PRR5: variants seen among roughly 807,000 people sequenced by gnomAD.
PRR5 encodes the protein proline-rich protein 5.
In PRR5, 25 loss-of-function variants were observed where a neutral mutation model predicts 30.6. That is an observed-to-expected ratio of 0.82 (90% confidence interval 0.60 to 1.14). The LOEUF is 1.14. PRR5 is among the 50% of genes most tolerant of loss of function. The probability of loss-of-function intolerance (pLI) is 0.00; values close to 1 mark genes in which losing one functional copy is unlikely to be tolerated. For missense variants in PRR5, 600 were observed against 547.1 expected (o/e 1.10, Z -0.96); for synonymous variants, 286 against 247.1 (o/e 1.16, Z -1.48).
intron 1 of PRR5, among the ~76,000 whole-genome samples, chr22:44,686,971 C>T (rs1438494704): frequency 6.6e-6 from 1 of 152,174 alleles, no homozygotes; most frequent in Admixed American, 6.6e-5. Context: ...TTTAATTTTA[C>T]AGTCTCCTCC....
intron 7 of PRR5, among the ~76,000 whole-genome samples, chr22:44,736,466 CTG>C (rs1923274412): frequency 6.6e-6 from 1 of 151,596 alleles, no homozygotes; most frequent in African/African-American, 2.4e-5. Context: ...AGTGGGGAAA[CTG>C]AGGCACGGGG....
At chr22:44,729,798 G>T in intron 4 of PRR5, 1 of 985,488 alleles carries the variant, frequency 1.0e-6, no homozygotes. Flanking sequence ...CAGCATTTCC[G>T]CCCCGTGGGC....
rs1926416449 is a variant in PRR5, at chr22:44,702,211, G to A, written c.-264G>A. On this transcript the variant is annotated 5_prime_UTR_variant, in exon 1 of 8. Coordinates refer to ENST00000336985, the MANE Select transcript of PRR5 (RefSeq NM_181333.4). ...GCCCCCGGGTCCGCCCCCGGCCTCCGTTTGCGCCGGGTCTGTGCTGGCCGC... is the reference window on the plus strand; with the variant it reads ...GCCCCCGGGTCCGCCCCCGGCCTCCATTTGCGCCGGGTCTGTGCTGGCCGC... 5.9e-6 allele frequency: 6 copies of A among 1,024,352 alleles called. No individual in the cohort carries two copies. Among genetic ancestry groups the A allele is most frequent in the Middle Eastern group, 4.2e-4 (1 of 2,356 alleles). The allele number at this position is 1,024,352 out of a possible 1,614,324, so 63.5% of individuals were successfully genotyped here.
At chr22:44,703,165 CA>C (rs1926629526) in intron 1 of PRR5, among the ~76,000 whole-genome samples, 2 of 152,162 alleles carry the variant, frequency 1.3e-5, no homozygotes, top group Non-Finnish European at 2.9e-5. Flanking sequence ...CCCAGACAAG[CA>C]GGGGCCTGGG....
upstream of PRR5, among the ~76,000 whole-genome samples, chr22:44,697,805 G>A (rs1308541763): frequency 6.6e-6 from 1 of 152,206 alleles, no homozygotes; most frequent in Non-Finnish European, 1.5e-5. Context: ...GCCTCTGTTT[G>A]TCTGTCTGTA....
intron 7 of PRR5, among the ~76,000 whole-genome samples, chr22:44,736,363 T>G (rs1035543149): frequency 6.6e-6 from 1 of 152,032 alleles, no homozygotes; most frequent in African/African-American, 2.4e-5. Flanking sequence ...CCTCCCACCA[T>G]CCCCTTGGAC....
rs557928629 is a variant in PRR5 at position 44,708,132 on chromosome 22, G to A, written c.134+5524G>A. On this transcript the variant is annotated intron_variant, in intron 1 of 7. Transcript: ENST00000336985. ...GGAGAATCACTTGAATCCGGGAGAC[G>A]GAGGTTGCAGTGAGCCGAGAACACG... 1.7e-3 allele frequency among the ~76,000 whole-genome samples: 265 copies of A among 152,098 alleles called. 2 individuals carry two copies. Among genetic ancestry groups the A allele is most frequent in the African/African-American group, 6.0e-3 (248 of 41,470 alleles).
chr22:44,677,902 A>G (rs938635159), intron 1 of PRR5, among the ~76,000 whole-genome samples: 8 of 152,218 alleles, frequency 5.3e-5, no homozygotes, highest in African/African-American at 1.9e-4. Flanking sequence ...GTGGGCACGG[A>G]TCATCCTTTG....
Position 44,702,584 on chromosome 22 carries a change from C to A in PRR5, c.110C>A (p.Ala37Asp). ...GAGCGGGGCACGCAGCAGCGCCGGG[C>A]CTGCGCCAACGCCACCTGGAACAGG... Reference protein sequence around the residue: ...ADERGTQQRRACANATWNSIH... With the variant: ...ADERGTQQRRDCANATWNSIH... The change falls in exon 1 of 8, where the codon GCC becomes GAC. Residue 37 changes from alanine to aspartate, a missense_variant. Transcript: ENST00000336985. 1 of 1,385,300 alleles carries A rather than the reference C, an allele frequency of 7.2e-7. No individual in the cohort carries two copies. The allele number at this position is 1,385,300 out of a possible 1,614,324, so 85.8% of individuals were successfully genotyped here. A position where few individuals can be genotyped will look rare whatever the true frequency, so the allele number is the denominator to read the frequency against.
chr22:44,683,626 C>T (rs1479242292), intron 1 of PRR5, among the ~76,000 whole-genome samples: 1 of 152,218 alleles, frequency 6.6e-6, no homozygotes, highest in African/African-American at 2.4e-5. Context: ...TCCCAGGCCA[C>T]CCTGCCTTAG....
At chr22:44,712,081 A>AGG (rs149355419) in intron 1 of PRR5, among the ~76,000 whole-genome samples, 2,657 of 152,160 alleles carry the variant, frequency 0.017, 88 homozygotes, top group African/African-American at 0.061. Flanking sequence ...CCCAGCCATG[A>AGG]GGGGATGACC....
intron 7 of PRR5, among the ~76,000 whole-genome samples, chr22:44,735,700 C>T (rs551109572): frequency 2.0e-5 from 3 of 152,308 alleles, no homozygotes; most frequent in African/African-American, 4.8e-5. Context: ...CTTCCCCTCC[C>T]GCGGGGGAGG....
intron 1 of PRR5, among the ~76,000 whole-genome samples, chr22:44,684,501 C>T (rs535720281): frequency 1.3e-5 from 2 of 152,288 alleles, no homozygotes; most frequent in African/African-American, 4.8e-5. Context: ...GAGCCGAGAT[C>T]GCGCCATTGT....
chr22:44,688,932 G>A (rs572569380), intron 1 of PRR5, among the ~76,000 whole-genome samples: 3 of 152,094 alleles, frequency 2.0e-5, no homozygotes, highest in Admixed American at 6.6e-5. Flanking sequence ...AGGTTGCAGT[G>A]AGCCGAGATC....
In PRR5 at chr22:44,734,907, G is replaced by A. The variant is rs556475475; in HGVS notation, c.556-120G>A. On this transcript the variant is annotated intron_variant, in intron 6 of 7. Transcript: ENST00000336985. ...CCTGCCATGGGGACAGAGAGCCTGT[G>A]GGAATGGGGAGGCGGGAGGCAGAGG... 321 of 1,357,304 alleles carry A rather than the reference G, an allele frequency of 2.4e-4. No individual in the cohort carries two copies. In the South Asian group the frequency reaches 3.9e-3, roughly 17 times the overall value. The allele number at this position is 1,357,304 out of a possible 1,614,324, so 84.1% of individuals were successfully genotyped here. A position where few individuals can be genotyped will look rare whatever the true frequency, so the allele number is the denominator to read the frequency against.
At chr22:44,729,075 G>C (rs1048883737) in intron 4 of PRR5, among the ~76,000 whole-genome samples, 1 of 152,184 alleles carries the variant, frequency 6.6e-6, no homozygotes, top group African/African-American at 2.4e-5. Context: ...GGGAGCTCCT[G>C]GTCCTCTGCT....
intron 1 of PRR5, among the ~76,000 whole-genome samples, chr22:44,690,234 C>T (rs1289532111): frequency 6.6e-6 from 1 of 152,100 alleles, no homozygotes; most frequent in African/African-American, 2.4e-5. Flanking sequence ...GATCAGGGAT[C>T]CCCAGCTCTG....
At chr22:44,697,424 C>G (rs372469176), upstream of PRR5, among the ~76,000 whole-genome samples, 15 of 152,316 alleles carry the variant, frequency 9.8e-5, no homozygotes, top group East Asian at 1.5e-3. Context: ...ATGGGACGGC[C>G]CGGATGGCAG....
At chr22:44,733,238 C>T (rs1367494533) in intron 6 of PRR5, among the ~76,000 whole-genome samples, 1 of 152,230 alleles carries the variant, frequency 6.6e-6, no homozygotes, top group African/African-American at 2.4e-5. Flanking sequence ...TGCACACGGC[C>T]CTTCCCAGGC....
Sources: gnomAD v4.1 joint callset for allele counts (sites outside exome capture counted in the v4.1 genomes callset) on GRCh38, gnomAD v4.1.1 for gene constraint, MANE v1.5 for transcripts, NCBI Gene and HGNC (gene_info 2026-07-23, HGNC 2026-07-21) for gene names.